The following CSNK2A2IP variants were observed in gnomAD, a reference collection of about 807,000 sequenced individuals.
The protein encoded by CSNK2A2IP is casein kinase 2 subunit alpha' interacting protein, also known as casein kinase II subunit alpha'-interacting protein.
At chr3:88,400,255 C>A in the CSNK2A2IP span, among the ~76,000 whole-genome samples, 5,573 of 152,116 alleles carry the variant, frequency 0.037, 142 homozygotes, top group Middle Eastern at 0.054. Context: ...GAATTGACTC[C>A]CTGCCAGTAA....
the CSNK2A2IP span, among the ~76,000 whole-genome samples, chr3:88,463,389 T>C: frequency 0.29 from 44,475 of 152,006 alleles, 7,242 homozygotes; most frequent in East Asian, 0.48. Flanking sequence ...TGTTGAGTGA[T>C]AGATGCTTGT....
chr3:88,396,912 T>C, the CSNK2A2IP span, among the ~76,000 whole-genome samples: 1 of 152,126 alleles, frequency 6.6e-6, no homozygotes, highest in Non-Finnish European at 1.5e-5. Flanking sequence ...GAATTGGATA[T>C]ATTCAGGAGG....
At chr3:88,377,345 TTATTTTCA>T in the CSNK2A2IP span, among the ~76,000 whole-genome samples, 2 of 152,000 alleles carry the variant, frequency 1.3e-5, no homozygotes, top group East Asian at 3.9e-4. Flanking sequence ...TATCTTTTCT[TTATTTTCA>T]TATTAAATTA....
the CSNK2A2IP span, among the ~76,000 whole-genome samples, chr3:88,369,326 G>A: frequency 2.0e-4 from 31 of 152,094 alleles, no homozygotes; most frequent in Non-Finnish European, 3.8e-4. Context: ...TTGTGTGTGT[G>A]TGTGTGTTGT....
the CSNK2A2IP span, among the ~76,000 whole-genome samples, chr3:88,409,191 A>T: frequency 1.3e-5 from 2 of 152,016 alleles, no homozygotes; most frequent in East Asian, 3.8e-4. Flanking sequence ...TATTATCACA[A>T]TGGGTCTATA....
the CSNK2A2IP span, chr3:88,466,026 A>T: frequency 1.6e-6 from 2 of 1,231,698 alleles, no homozygotes; most frequent in Non-Finnish European, 2.0e-6. Context: ...CTCAGAAAAC[A>T]TCCTCATTGG....
the CSNK2A2IP span, among the ~76,000 whole-genome samples, chr3:88,372,846 T>C: frequency 6.6e-6 from 1 of 151,458 alleles, no homozygotes; most frequent in Non-Finnish European, 1.5e-5. Flanking sequence ...TACAGTAACA[T>C]CACATTAAAT....
chr3:88,462,114 C>CATATATATATATAT, the CSNK2A2IP span, among the ~76,000 whole-genome samples: 1 of 143,152 alleles, frequency 7.0e-6, no homozygotes, highest in African/African-American at 2.6e-5. Context: ...GAGTTTTTTT[C>CATATATATATATAT]ATATATATAT....
At chr3:88,461,369 C>T in the CSNK2A2IP span, among the ~76,000 whole-genome samples, 2 of 151,776 alleles carry the variant, frequency 1.3e-5, no homozygotes, top group African/African-American at 2.4e-5. Context: ...CTGGCTAACA[C>T]GGTGAAACCC....
At chr3:88,399,796 CAT>C in the CSNK2A2IP span, 1 of 152,154 alleles carries the variant, frequency 6.6e-6, no homozygotes, top group Non-Finnish European at 1.5e-5. Context: ...TTCCTAACCT[CAT>C]GTGTTTTCCA....
the CSNK2A2IP span, among the ~76,000 whole-genome samples, chr3:88,344,860 T>A: frequency 6.6e-6 from 1 of 151,936 alleles, no homozygotes; most frequent in Non-Finnish European, 1.5e-5. Context: ...GCAAATTAAT[T>A]GTGTACTCCA....
the CSNK2A2IP span, among the ~76,000 whole-genome samples, chr3:88,463,558 T>C: frequency 6.6e-6 from 1 of 152,052 alleles, no homozygotes; most frequent in Non-Finnish European, 1.5e-5. Context: ...AAAATGCTCA[T>C]CATCACTGGC....
At chr3:88,395,231 G>A in the CSNK2A2IP span, among the ~76,000 whole-genome samples, 1 of 152,000 alleles carries the variant, frequency 6.6e-6, no homozygotes, top group African/African-American at 2.4e-5. Context: ...TTTTTATGGT[G>A]TTTCCTAAGA....
At chr3:88,420,842 A>G in the CSNK2A2IP span, among the ~76,000 whole-genome samples, 3 of 152,186 alleles carry the variant, frequency 2.0e-5, no homozygotes, top group Admixed American at 1.3e-4. Flanking sequence ...GTTTGGTCCA[A>G]TCAGAAATGA....
the CSNK2A2IP span, among the ~76,000 whole-genome samples, chr3:88,451,797 C>CT: frequency 6.6e-6 from 1 of 151,192 alleles, no homozygotes. Flanking sequence ...TTCCAGAACA[C>CT]TTTCTTCCTT....
At chr3:88,344,307 T>A in the CSNK2A2IP span, among the ~76,000 whole-genome samples, 1 of 151,972 alleles carries the variant, frequency 6.6e-6, no homozygotes, top group Admixed American at 6.6e-5. Flanking sequence ...ATGTTTATAT[T>A]TTTTTAGACT....
the CSNK2A2IP span, among the ~76,000 whole-genome samples, chr3:88,361,830 C>T: frequency 2.0e-5 from 3 of 151,700 alleles, no homozygotes; most frequent in South Asian, 2.1e-4. Context: ...TTCTTATAGC[C>T]TGTCTTCAAA....
the CSNK2A2IP span, among the ~76,000 whole-genome samples, chr3:88,371,926 A>G: frequency 6.6e-6 from 1 of 151,630 alleles, no homozygotes; most frequent in Non-Finnish European, 1.5e-5. Flanking sequence ...AAGAACAACA[A>G]TGACAAAAAG....
chr3:88,395,904 A>G, the CSNK2A2IP span, among the ~76,000 whole-genome samples: 1 of 152,114 alleles, frequency 6.6e-6, no homozygotes, highest in South Asian at 2.1e-4. Flanking sequence ...ATTTATTACA[A>G]TTAATTACTT....
Sources: gnomAD v4.1 joint callset for allele counts (sites outside exome capture counted in the v4.1 genomes callset) on GRCh38, gnomAD v4.1.1 for gene constraint, MANE v1.5 for transcripts, NCBI Gene and HGNC (gene_info 2026-07-23, HGNC 2026-07-21) for gene names.